Variants in PDLIM1 observed in about 807,000 individuals in gnomAD.
PDLIM1 encodes PDZ and LIM domain 1.
A neutral mutation model predicts 35.2 loss-of-function variants in PDLIM1; 25 were observed. That is an observed-to-expected ratio of 0.71 (90% CI 0.52 to 0.99). PDLIM1 has a LOEUF of 0.99. PDLIM1 is among the 50% of genes least tolerant of loss of function. The pLI is 0.00. For synonymous variants in PDLIM1, 152 were observed against 154.0 expected (o/e 0.99, Z 0.10); for missense variants, 363 against 415.3 (o/e 0.87, Z 1.09).
At chr10:95,286,629 G>C (rs535434991) in intron 1 of PDLIM1, among the ~76,000 whole-genome samples, 1 of 152,110 alleles carries the variant, frequency 6.6e-6, no homozygotes, top group Non-Finnish European at 1.5e-5. Flanking sequence ...TACTGGAAGC[G>C]AAATAATCCT....
At chr10:95,242,350 AT>A (rs574829943) in intron 5 of PDLIM1, among the ~76,000 whole-genome samples, 9 of 151,552 alleles carry the variant, frequency 5.9e-5, no homozygotes, top group Admixed American at 3.9e-4. Context: ...TTTAAATGTC[AT>A]TTTTTTTCAT....
intron 1 of PDLIM1, among the ~76,000 whole-genome samples, chr10:95,276,848 A>G (rs185669139): frequency 3.5e-5 from 5 of 143,202 alleles, no homozygotes; most frequent in Non-Finnish European, 3.0e-5. Context: ...CCTCCTGACC[A>G]TCAAGTTCCA....
intron 5 of PDLIM1, among the ~76,000 whole-genome samples, chr10:95,246,943 C>T (rs1200781604): frequency 6.6e-6 from 1 of 152,186 alleles, no homozygotes; most frequent in Non-Finnish European, 1.5e-5. Context: ...TCAGGCTCAC[C>T]CCAACCTTAG....
chr10:95,269,141 T>C (rs2035440653), intron 2 of PDLIM1, among the ~76,000 whole-genome samples: 1 of 152,204 alleles, frequency 6.6e-6, no homozygotes, highest in African/African-American at 2.4e-5. Context: ...TGTGGTCTCC[T>C]CCATGTTCCT....
intron 1 of PDLIM1, among the ~76,000 whole-genome samples, chr10:95,278,646 A>C (rs1564605861): frequency 6.6e-6 from 1 of 152,184 alleles, no homozygotes; most frequent in African/African-American, 2.4e-5. Context: ...AAAGAAAGAA[A>C]TTTAGCAAGC....
At chr10:95,268,566 G>A (rs780645624) in intron 3 of PDLIM1, among the ~76,000 whole-genome samples, 3 of 152,174 alleles carry the variant, frequency 2.0e-5, no homozygotes, top group Non-Finnish European at 2.9e-5. Context: ...TTCCAGCCCA[G>A]GACACAGCGT....
chr10:95,271,810 A>C (rs779662371), intron 1 of PDLIM1, 26 bp from the exon 2 acceptor site: 6 of 1,607,786 alleles, frequency 3.7e-6, no homozygotes, highest in South Asian at 2.2e-5. Context: ...AAAGCAGGCT[A>C]GTTACTATTT....
intron 4 of PDLIM1, among the ~76,000 whole-genome samples, chr10:95,262,227 C>T (rs1182157857): frequency 2.0e-5 from 3 of 152,092 alleles, no homozygotes; most frequent in Admixed American, 1.3e-4. Flanking sequence ...GTATCTTAAC[C>T]TCTCTCAACC....
chr10:95,256,204 A>T (rs1245381983), intron 4 of PDLIM1, among the ~76,000 whole-genome samples: 1 of 152,196 alleles, frequency 6.6e-6, no homozygotes, highest in Admixed American at 6.5e-5. Flanking sequence ...AGAATGCACA[A>T]ATAAACAAAA....
intron 6 of PDLIM1, 35 bp downstream of exon 6, chr10:95,238,533 A>AGGGTTGGTAT (rs1268568733): frequency 1.6e-6 from 2 of 1,278,002 alleles, no homozygotes; most frequent in South Asian, 2.4e-5. Flanking sequence ...CCCAACCTGC[A>AGGGTTGGTAT]GGGTCTGCAA....
At chr10:95,245,376 G>A (rs2035210776) in intron 5 of PDLIM1, among the ~76,000 whole-genome samples, 1 of 152,198 alleles carries the variant, frequency 6.6e-6, no homozygotes. Context: ...GGGAATAGAA[G>A]CCACAAATTT....
At chr10:95,280,863 T>A (rs1420531276) in intron 1 of PDLIM1, among the ~76,000 whole-genome samples, 1 of 152,152 alleles carries the variant, frequency 6.6e-6, no homozygotes, top group Non-Finnish European at 1.5e-5. Context: ...CTCAGCCAAC[T>A]GTGATATTTG....
chr10:95,264,390 A>T (rs1379841580), intron 3 of PDLIM1, among the ~76,000 whole-genome samples: 1 of 152,246 alleles, frequency 6.6e-6, no homozygotes, highest in East Asian at 1.9e-4. Context: ...GATTCAAGTC[A>T]GAGCTAAAAC....
At chr10:95,252,209 G>A (rs1198330560) in intron 4 of PDLIM1, among the ~76,000 whole-genome samples, 1 of 152,116 alleles carries the variant, frequency 6.6e-6, no homozygotes, top group East Asian at 1.9e-4. Context: ...AAACCTAGGA[G>A]AGAATCAGGA....
At chr10:95,243,598 C>T (rs892692622) in intron 5 of PDLIM1, among the ~76,000 whole-genome samples, 5 of 152,136 alleles carry the variant, frequency 3.3e-5, no homozygotes, top group African/African-American at 1.2e-4. Flanking sequence ...AAACGAGCCT[C>T]GGTACTTGCT....
chr10:95,287,142 C>T (rs1469886948), intron 1 of PDLIM1, among the ~76,000 whole-genome samples: 1 of 152,196 alleles, frequency 6.6e-6, no homozygotes, highest in Non-Finnish European at 1.5e-5. Flanking sequence ...CCTCTTCCCC[C>T]TCTCTCCTTA....
intron 1 of PDLIM1, among the ~76,000 whole-genome samples, chr10:95,284,306 G>C (rs1184635303): frequency 6.6e-6 from 1 of 152,070 alleles, no homozygotes; most frequent in African/African-American, 2.4e-5. Flanking sequence ...TTTTTTTAAA[G>C]AAATGGGTGC....
At chr10:95,276,896 TAAAAAAAA>T (rs61442624) in intron 1 of PDLIM1, among the ~76,000 whole-genome samples, 2 of 68,876 alleles carry the variant, frequency 2.9e-5, no homozygotes, top group African/African-American at 1.1e-4. Flanking sequence ...TTCAGTTTCC[TAAAAAAAA>T]AAAAAAAAAA....
intron 1 of PDLIM1, among the ~76,000 whole-genome samples, chr10:95,281,312 C>T (rs369529730): frequency 3.0e-4 from 46 of 152,148 alleles, no homozygotes; most frequent in African/African-American, 1.1e-3. Flanking sequence ...GCAGGGATGG[C>T]TCATGCCTAT....
Sources: allele counts gnomAD v4.1 joint callset (sites outside exome capture counted in the v4.1 genomes callset), GRCh38; gene constraint gnomAD v4.1.1; transcripts MANE v1.5; gene names NCBI Gene and HGNC (gene_info 2026-07-23, HGNC 2026-07-21).